RABGEF1: variants seen among roughly 807,000 people sequenced by gnomAD.
The protein encoded by RABGEF1 is RAB guanine nucleotide exchange factor 1, also known as rab5 GDP/GTP exchange factor.
Under a neutral mutation model 57.3 loss-of-function variants are expected in RABGEF1, and 26 were observed. That is an observed-to-expected ratio of 0.45 (90% CI 0.33 to 0.63). The LOEUF is 0.63. RABGEF1 is among the 20% of genes least tolerant of loss of function. RABGEF1 has a pLI of 0.02. For missense variants in RABGEF1, 464 were observed against 607.6 expected (o/e 0.76, Z 2.48); for synonymous variants, 185 against 210.7 (o/e 0.88, Z 1.06).
chr7:66,671,032 TAG>T, the RABGEF1 span, among the ~76,000 whole-genome samples: 1 of 151,306 alleles, frequency 6.6e-6, no homozygotes, highest in Non-Finnish European at 1.5e-5. Context: ...TATATATATA[TAG>T]AGAGAGAGAT....
chr7:66,767,591 T>G (rs187113869), intron 1 of RABGEF1, among the ~76,000 whole-genome samples: 1 of 152,300 alleles, frequency 6.6e-6, no homozygotes, highest in Admixed American at 6.5e-5. Flanking sequence ...AACCACAAGG[T>G]GTTGCTACTA....
intron 2 of RABGEF1, among the ~76,000 whole-genome samples, chr7:66,714,123 A>T (rs1487765583): frequency 6.6e-6 from 1 of 152,210 alleles, no homozygotes; most frequent in Non-Finnish European, 1.5e-5. Context: ...TTCTGGAAAC[A>T]ATTGTGTAGA....
chr7:66,761,637 G>A (rs1804382169), intron 1 of RABGEF1, among the ~76,000 whole-genome samples: 1 of 152,200 alleles, frequency 6.6e-6, no homozygotes, highest in South Asian at 2.1e-4. Context: ...AGAGTACAGA[G>A]CTGGACCCTC....
intron 1 of RABGEF1, among the ~76,000 whole-genome samples, chr7:66,700,210 A>C (rs1238972573): frequency 6.6e-6 from 1 of 152,204 alleles, no homozygotes; most frequent in Admixed American, 6.5e-5. Context: ...TCTCCCTACC[A>C]GGGCACCCAG....
chr7:66,759,810 C>A (rs1316402791), intron 1 of RABGEF1, among the ~76,000 whole-genome samples: 1 of 152,228 alleles, frequency 6.6e-6, no homozygotes, highest in Non-Finnish European at 1.5e-5. Context: ...ACAGGCCCCA[C>A]TTCCAACATT....
At chr7:66,678,576 A>G (rs1268874932), upstream of RABGEF1, among the ~76,000 whole-genome samples, 2 of 151,696 alleles carry the variant, frequency 1.3e-5, no homozygotes, top group Non-Finnish European at 2.9e-5. Flanking sequence ...AAAAAAAAAA[A>G]AAAAAAAAGA....
At chr7:66,763,219 G>A (rs1024810163) in intron 1 of RABGEF1, among the ~76,000 whole-genome samples, 9 of 152,152 alleles carry the variant, frequency 5.9e-5, no homozygotes, top group Admixed American at 2.0e-4. Context: ...AGCAGGCTCC[G>A]CTGGGTATTC....
chr7:66,732,838 T>A (rs1797500234), intron 2 of RABGEF1, among the ~76,000 whole-genome samples: 2 of 152,244 alleles, frequency 1.3e-5, no homozygotes, highest in South Asian at 4.1e-4. Context: ...CACATGACAG[T>A]GTTTAATCAC....
rs145648384 is a variant in RABGEF1 at position 66,714,997 on chromosome 7, C to G, written c.-815+2773C>G. On this transcript the variant is annotated intron_variant and NMD_transcript_variant, in intron 2 of 9. Coordinates refer to the RABGEF1 transcript ENST00000607882. Reference sequence around the variant, plus strand: ...TATCGATTAGAAAACTTTCGTCGTCCTCCTCCTCCTCCTCTTCTTCTTCCT... The same window carrying G: ...TATCGATTAGAAAACTTTCGTCGTCGTCCTCCTCCTCCTCTTCTTCTTCCT... 7.4e-3 allele frequency among the ~76,000 whole-genome samples: 1,111 copies of G among 150,496 alleles called. 15 individuals carry two copies. Among genetic ancestry groups the G allele is most frequent in the African/African-American group, 0.024 (980 of 40,864 alleles).
chr7:66,678,414 A>C (rs533058991), upstream of RABGEF1, among the ~76,000 whole-genome samples: 1 of 151,804 alleles, frequency 6.6e-6, no homozygotes, highest in Non-Finnish European at 1.5e-5. Context: ...AAATACAAAA[A>C]ATTAGCCGGG....
chr7:66,666,650 C>G, the RABGEF1 span, among the ~76,000 whole-genome samples: 2 of 152,200 alleles, frequency 1.3e-5, no homozygotes, highest in Non-Finnish European at 2.9e-5. Context: ...GGCTGCAGGT[C>G]CTGGCTGCTC....
chr7:66,759,143 C>T (rs1446753061), intron 1 of RABGEF1, among the ~76,000 whole-genome samples: 1 of 152,220 alleles, frequency 6.6e-6, no homozygotes, highest in East Asian at 1.9e-4. Context: ...CAAAGACTTC[C>T]CTTATGACTC....
At chr7:66,661,880 AACTG>A in the RABGEF1 span, among the ~76,000 whole-genome samples, 9 of 152,286 alleles carry the variant, frequency 5.9e-5, no homozygotes, top group African/African-American at 2.2e-4. Context: ...AACACTGCCA[AACTG>A]ACTGGGCACA....
chr7:66,788,842 C>G (rs1404078835), intron 4 of RABGEF1, among the ~76,000 whole-genome samples: 1 of 152,040 alleles, frequency 6.6e-6, no homozygotes, highest in East Asian at 1.9e-4. Flanking sequence ...GTAATCCCAG[C>G]TACTAGGGAG....
At chr7:66,734,542 C>T (rs1276963011) in intron 2 of RABGEF1, among the ~76,000 whole-genome samples, 1 of 151,430 alleles carries the variant, frequency 6.6e-6, no homozygotes, top group Non-Finnish European at 1.5e-5. Flanking sequence ...GTGATCCGCC[C>T]ATGTTGGCCT....
chr7:66,671,817 C>CTTT, the RABGEF1 span, among the ~76,000 whole-genome samples: 2,552 of 125,400 alleles, frequency 0.02, 85 homozygotes, highest in East Asian at 0.083. Flanking sequence ...GTGAGACTGT[C>CTTT]TTTTTTTTTT....
chr7:66,754,750 G>T (rs953739983), intron 1 of RABGEF1, among the ~76,000 whole-genome samples: 16 of 152,180 alleles, frequency 1.1e-4, no homozygotes, highest in African/African-American at 3.4e-4. Flanking sequence ...TTCACGTCTA[G>T]GCATTGCGTT....
At chr7:66,740,946 G>T (rs1798772625) in intron 1 of RABGEF1, among the ~76,000 whole-genome samples, 154 bp downstream of exon 1, 1 of 152,048 alleles carries the variant, frequency 6.6e-6, no homozygotes, top group Non-Finnish European at 1.5e-5. Flanking sequence ...GCTGTCCTTC[G>T]TCCCACATTC....
At chr7:66,780,812 A>G (rs920790401) in intron 3 of RABGEF1, among the ~76,000 whole-genome samples, 2 of 152,170 alleles carry the variant, frequency 1.3e-5, no homozygotes, top group African/African-American at 2.4e-5. Context: ...TCTTGGTAAT[A>G]TGGTCCATGT....
Sources: allele counts gnomAD v4.1 joint callset (sites outside exome capture counted in the v4.1 genomes callset), GRCh38; gene constraint gnomAD v4.1.1; transcripts MANE v1.5; gene names NCBI Gene and HGNC (gene_info 2026-07-23, HGNC 2026-07-21).